The following ANKRD44 variants were observed in gnomAD, a reference collection of about 807,000 sequenced individuals.
The protein encoded by ANKRD44 is serine/threonine-protein phosphatase 6 regulatory ankyrin repeat subunit B.
Under a neutral mutation model 116.0 loss-of-function variants are expected in ANKRD44, and 35 were observed. The ratio of observed to expected loss-of-function variants is 0.30; its 90% confidence interval spans 0.23 to 0.40. The LOEUF is 0.40. Ranked by LOEUF, ANKRD44 falls within the 10% of genes least tolerant of loss-of-function variation. The pLI is 1.00. For synonymous variants in ANKRD44, 435 were observed against 461.8 expected (o/e 0.94, Z 0.74); for missense variants, 1,014 against 1,242.6 (o/e 0.82, Z 2.77).
intron 1 of ANKRD44, among the ~76,000 whole-genome samples, chr2:197,209,661 T>A (rs899701852): frequency 1.3e-5 from 2 of 152,236 alleles, no homozygotes; most frequent in Admixed American, 6.5e-5. Flanking sequence ...AGTTAACTTT[T>A]AATTTCATCA....
At chr2:197,004,035 AT>A (rs2076160156) in intron 21 of ANKRD44, among the ~76,000 whole-genome samples, 2 of 152,208 alleles carry the variant, frequency 1.3e-5, no homozygotes, top group African/African-American at 4.8e-5. Flanking sequence ...TGGTTTCTAA[AT>A]TAAAATTTTA....
rs757752445 is a variant in ANKRD44 at position 197,136,343 on chromosome 2, C to T, written c.261+249G>A. ...TATGCTTTCTGCTTTGCCTCCTCCC[C>T]AGGCTGAGAACTCATTGAAATTCAG... On this transcript the variant is annotated intron_variant, in intron 4 of 27. Coordinates refer to ENST00000282272, the MANE Select transcript of ANKRD44 (RefSeq NM_001195144.2). The T allele has an allele frequency of 3.9e-4, 206 of 524,644 alleles. 1 individual carries two copies. In the Middle Eastern group the frequency reaches 4.0e-3, roughly 10 times the overall value. 32.5% of individuals were successfully genotyped at this position (524,644 alleles called of 1,614,324 possible).
At chr2:196,978,202 ATGAG>A in intron 21 of ANKRD44, among the ~76,000 whole-genome samples, 1 of 152,184 alleles carries the variant, frequency 6.6e-6, no homozygotes, top group Non-Finnish European at 1.5e-5. Context: ...CCTTAAAATA[ATGAG>A]TGTGTTCTTG....
intron 27 of ANKRD44, chr2:196,990,312 T>C: frequency 1.8e-5 from 18 of 992,786 alleles, no homozygotes; most frequent in Non-Finnish European, 2.2e-5. Flanking sequence ...CACACTGATA[T>C]ACTTCTGAGA....
At chr2:197,001,583 C>T (rs1221732769) in intron 22 of ANKRD44, among the ~76,000 whole-genome samples, 170 bp downstream of exon 22, 1 of 152,088 alleles carries the variant, frequency 6.6e-6, no homozygotes, top group East Asian at 1.9e-4. Flanking sequence ...CAAAAATCTC[C>T]GGGAAAATCA....
intron 1 of ANKRD44, among the ~76,000 whole-genome samples, chr2:197,217,500 A>G (rs1373394092): frequency 1.3e-5 from 2 of 152,242 alleles, no homozygotes; most frequent in East Asian, 1.9e-4. Flanking sequence ...TGAATGACAT[A>G]ATAGACTCTC....
At chr2:197,134,656 GACT>G (rs368580982) in intron 4 of ANKRD44, 22 of 152,062 alleles carry the variant, frequency 1.4e-4, no homozygotes, top group African/African-American at 5.3e-4. Context: ...TTTTCCACTA[GACT>G]ACACACTTCC....
intron 13 of ANKRD44, among the ~76,000 whole-genome samples, chr2:197,085,113 T>C (rs2077889647): frequency 6.6e-6 from 1 of 152,230 alleles, no homozygotes; most frequent in Non-Finnish European, 1.5e-5. Context: ...CAAAGAATAA[T>C]AAACAAATGA....
At chr2:197,247,093 A>C (rs2082209347) in intron 1 of ANKRD44, among the ~76,000 whole-genome samples, 1 of 152,148 alleles carries the variant, frequency 6.6e-6, no homozygotes, top group African/African-American at 2.4e-5. Flanking sequence ...GACTGAATGA[A>C]TGTCCAGGCT....
intron 25 of ANKRD44, among the ~76,000 whole-genome samples, chr2:196,996,238 AG>A (rs1372681958): frequency 2.0e-5 from 3 of 152,218 alleles, no homozygotes; most frequent in Non-Finnish European, 4.4e-5. Context: ...CAGAACTCCC[AG>A]GTGATTCGTT....
intron 1 of ANKRD44, among the ~76,000 whole-genome samples, chr2:197,291,912 G>A (rs550466166): frequency 1.0e-3 from 157 of 151,980 alleles, no homozygotes; most frequent in African/African-American, 3.5e-3. Flanking sequence ...CTATGAGTGA[G>A]AACATGCAGT....
intron 1 of ANKRD44, among the ~76,000 whole-genome samples, chr2:197,223,971 A>AAGC (rs2081642864): frequency 7.3e-6 from 1 of 137,480 alleles, no homozygotes; most frequent in Non-Finnish European, 1.6e-5. Context: ...AAACCCCGAA[A>AAGC]AGTAGTAGAT....
At chr2:197,138,205 T>C (rs2079266674) in intron 3 of ANKRD44, among the ~76,000 whole-genome samples, 1 of 152,172 alleles carries the variant, frequency 6.6e-6, no homozygotes, top group African/African-American at 2.4e-5. Context: ...AGAAAAACAT[T>C]AGCAGTTCTT....
intron 16 of ANKRD44, among the ~76,000 whole-genome samples, chr2:197,034,177 C>A (rs2076765207): frequency 2.0e-5 from 3 of 151,432 alleles, no homozygotes; most frequent in African/African-American, 4.9e-5. Flanking sequence ...TCAACCTCAA[C>A]CTATCTTGTC....
intron 1 of ANKRD44, among the ~76,000 whole-genome samples, chr2:197,288,327 A>G (rs190064055): frequency 1.8e-3 from 267 of 152,330 alleles, no homozygotes; most frequent in Non-Finnish European, 2.2e-3. Flanking sequence ...AGTTTCACAG[A>G]TGCTGGTGAG....
chr2:197,222,380 C>A (rs1243632844), intron 1 of ANKRD44, among the ~76,000 whole-genome samples: 2 of 152,158 alleles, frequency 1.3e-5, no homozygotes, highest in Non-Finnish European at 2.9e-5. Flanking sequence ...ACTAAATATT[C>A]TCTTTAAAGA....
intron 16 of ANKRD44, among the ~76,000 whole-genome samples, chr2:197,053,445 C>G (rs1202247111): frequency 6.6e-6 from 1 of 152,100 alleles, no homozygotes; most frequent in Non-Finnish European, 1.5e-5. Flanking sequence ...TTCTGTCTTT[C>G]TATCCCATTC....
At chr2:197,222,797 TTTTA>T (rs1373096849) in intron 1 of ANKRD44, among the ~76,000 whole-genome samples, 3 of 148,856 alleles carry the variant, frequency 2.0e-5, no homozygotes, top group East Asian at 3.9e-4. Context: ...GATTTATTTA[TTTTA>T]TTTATTTTTT....
intron 1 of ANKRD44, among the ~76,000 whole-genome samples, chr2:197,220,433 A>G (rs1318523062): frequency 6.6e-6 from 1 of 152,106 alleles, no homozygotes; most frequent in Non-Finnish European, 1.5e-5. Context: ...TTTTTTCTCC[A>G]CTTATCAAAG....
Sources: allele counts gnomAD v4.1 joint callset (sites outside exome capture counted in the v4.1 genomes callset), GRCh38; gene constraint gnomAD v4.1.1; transcripts MANE v1.5; gene names NCBI Gene and HGNC (gene_info 2026-07-23, HGNC 2026-07-21).